KAZN: variants seen among roughly 807,000 people sequenced by gnomAD.
The protein encoded by KAZN is kazrin, periplakin interacting protein.
A neutral mutation model predicts 87.4 loss-of-function variants in KAZN; 40 were observed. That is an observed-to-expected ratio of 0.46 (90% CI 0.36 to 0.60). The LOEUF is 0.60. KAZN is among the 20% of genes least tolerant of loss of function. The pLI is 0.00. For synonymous variants in KAZN, 466 were observed against 458.3 expected (o/e 1.02, Z -0.22); for missense variants, 898 against 1,073.9 (o/e 0.84, Z 2.29).
chr1:14,361,520 G>A (rs1428312114), intron 2 of KAZN, among the ~76,000 whole-genome samples: 1 of 152,248 alleles, frequency 6.6e-6, no homozygotes, highest in Non-Finnish European at 1.5e-5. Context: ...AGCTAGCTCA[G>A]TGTCTGCCCA....
chr1:14,565,717 A>G (rs924611838), intron 2 of KAZN, among the ~76,000 whole-genome samples: 2 of 152,192 alleles, frequency 1.3e-5, no homozygotes, highest in African/African-American at 2.4e-5. Flanking sequence ...CATTTCAACA[A>G]TGTTCACAGC....
chr1:14,262,951 T>C (rs1651195597), intron 2 of KAZN, among the ~76,000 whole-genome samples: 1 of 152,210 alleles, frequency 6.6e-6, no homozygotes, highest in Admixed American at 6.5e-5. Flanking sequence ...CTGTAACTAA[T>C]AAAATTCCTA....
intron 1 of KAZN, among the ~76,000 whole-genome samples, chr1:14,797,403 G>A (rs949868396): frequency 8.5e-5 from 13 of 152,242 alleles, no homozygotes; most frequent in African/African-American, 2.9e-4. Flanking sequence ...TCCAAGAAGC[G>A]CTAACTGGAG....
chr1:14,648,041 A>T (rs750278727), intron 1 of KAZN, among the ~76,000 whole-genome samples: 1 of 152,218 alleles, frequency 6.6e-6, no homozygotes, highest in Non-Finnish European at 1.5e-5. Context: ...AACTAAGTTA[A>T]GAAGGAACTT....
At chr1:15,017,483 C>G (rs934626606) in intron 2 of KAZN, among the ~76,000 whole-genome samples, 1 of 152,060 alleles carries the variant, frequency 6.6e-6, no homozygotes, top group Non-Finnish European at 1.5e-5. Flanking sequence ...ATACTGTGGT[C>G]TTAGTTTTGT....
chr1:14,149,674 G>A (rs1645432844), intron 1 of KAZN, among the ~76,000 whole-genome samples: 1 of 152,134 alleles, frequency 6.6e-6, no homozygotes, highest in Non-Finnish European at 1.5e-5. Context: ...CCTCCTTGTG[G>A]TGACTGTGGG....
At chr1:14,377,185 T>C (rs1361880581) in intron 2 of KAZN, among the ~76,000 whole-genome samples, 5 of 152,216 alleles carry the variant, frequency 3.3e-5, no homozygotes, top group South Asian at 2.1e-4. Flanking sequence ...CAGTATAATA[T>C]AGACATTACA....
chr1:13,932,555 C>T (rs6429805), intron 1 of KAZN, among the ~76,000 whole-genome samples: 14,990 of 152,230 alleles, frequency 0.098, 805 homozygotes, highest in Middle Eastern at 0.14. Context: ...CCACCGCGCC[C>T]GGCCTTATTA....
Position 15,044,040 on chromosome 1 carries a change from C to T in KAZN, c.607C>T (p.Arg203Cys), listed in dbSNP as rs769784271. 3.7e-6 allele frequency: 6 copies of T among 1,612,568 alleles called. No homozygotes were observed. Among genetic ancestry groups the T allele is most frequent in the Non-Finnish European group, 8.5e-7 (1 of 1,179,790 alleles). Reference sequence around the variant, plus strand: ...GGCCAAGGAGAAGGACCTGCTGGAGCGTGAGAAGTGGGAGCTGCGGCGCCA... The same window carrying T: ...GGCCAAGGAGAAGGACCTGCTGGAGTGTGAGAAGTGGGAGCTGCGGCGCCA... ...ALAKEKDLLEREKWELRRQAK... is the reference protein window; with the variant it reads ...ALAKEKDLLECEKWELRRQAK... The change falls in exon 4 of 15, where the codon CGT becomes TGT. Residue 203 changes from arginine (R) to cysteine (C), a missense_variant. Transcript: ENST00000376030.
chr1:14,833,304 C>A (rs1464468588), intron 1 of KAZN, among the ~76,000 whole-genome samples: 2 of 151,968 alleles, frequency 1.3e-5, no homozygotes, highest in African/African-American at 4.9e-5. Context: ...CTGTCTTGGG[C>A]TGGGATCTCC....
At chr1:14,533,609 T>C (rs766243817) in intron 2 of KAZN, among the ~76,000 whole-genome samples, 13 of 152,192 alleles carry the variant, frequency 8.5e-5, no homozygotes, top group Non-Finnish European at 1.8e-4. Context: ...TTTATCTGGC[T>C]GCACTGTTTG....
intron 1 of KAZN, chr1:14,924,170 C>G (rs1475875167): frequency 5.1e-6 from 5 of 981,642 alleles, no homozygotes; most frequent in Non-Finnish European, 3.6e-6. Context: ...GAATTCCTCG[C>G]GTGCAGCAGG....
chr1:14,344,150 C>G (rs1657934479), intron 2 of KAZN, among the ~76,000 whole-genome samples: 1 of 143,396 alleles, frequency 7.0e-6, no homozygotes, highest in African/African-American at 2.7e-5. Context: ...ATTCACTTAT[C>G]CATTCATGTA....
intron 1 of KAZN, among the ~76,000 whole-genome samples, chr1:14,870,182 A>C (rs1304851779): frequency 1.3e-5 from 2 of 152,132 alleles, no homozygotes; most frequent in Admixed American, 6.5e-5. Context: ...TAGGGCCTGG[A>C]TACTGGGAAA....
intron 1 of KAZN, among the ~76,000 whole-genome samples, chr1:14,025,547 C>T (rs531844694): frequency 2.0e-5 from 3 of 152,200 alleles, no homozygotes; most frequent in East Asian, 1.9e-4. Flanking sequence ...AACAGGATCT[C>T]GGGGTTTTCA....
At chr1:14,686,437 G>A (rs1280990993) in intron 1 of KAZN, among the ~76,000 whole-genome samples, 1 of 152,224 alleles carries the variant, frequency 6.6e-6, no homozygotes, top group African/African-American at 2.4e-5. Flanking sequence ...AGGGATTCAA[G>A]GCAGATATAT....
In KAZN at chr1:14,773,628, C is replaced by A. The variant is rs762478388; in HGVS notation, c.226+174405C>A. 2.0e-5 allele frequency among the ~76,000 whole-genome samples: 3 copies of A among 152,146 alleles called. No individual in the cohort carries two copies. Among genetic ancestry groups the A allele is most frequent in the Non-Finnish European group, 4.4e-5 (3 of 68,028 alleles). The stretch of plus-strand genomic sequence containing the variant: ...GAAATGAGGTCAGGCACCCGCCACC[C>A]GGTTCTCCTTCTTCCTCTTCTAAAA... On this transcript the variant is annotated intron_variant, in intron 1 of 14. Coordinates refer to ENST00000376030, the MANE Select transcript of KAZN (RefSeq NM_201628.3). This position sits in a 1 kb window ranked among gnomAD's most constrained non-coding sequence, Gnocchi z 5.9.
intron 1 of KAZN, among the ~76,000 whole-genome samples, chr1:13,932,503 G>T (rs1040546909): frequency 6.7e-6 from 1 of 149,248 alleles, no homozygotes; most frequent in African/African-American, 2.4e-5. Flanking sequence ...CTCGTGATCC[G>T]CCCGCCTCGG....
chr1:14,046,647 C>T (rs1029704804), intron 1 of KAZN, among the ~76,000 whole-genome samples: 3 of 152,118 alleles, frequency 2.0e-5, no homozygotes, highest in African/African-American at 7.2e-5. Flanking sequence ...CTCTCATGAC[C>T]CTGAATGGTG....
Sources: gnomAD v4.1 joint callset for allele counts (sites outside exome capture counted in the v4.1 genomes callset) on GRCh38, gnomAD v4.1.1 for gene constraint, Gnocchi (gnomAD v3.1) non-coding constraint, MANE v1.5 for transcripts, NCBI Gene and HGNC (gene_info 2026-07-23, HGNC 2026-07-21) for gene names.